The following LRRK1 variants were observed in gnomAD, a reference collection of about 807,000 sequenced individuals.
LRRK1 encodes leucine rich repeat kinase 1, also known as leucine-rich repeat serine/threonine-protein kinase 1.
In LRRK1, 113 loss-of-function variants were observed where a neutral mutation model predicts 209.1. The observed-to-expected ratio is 0.54, with a 90% CI of 0.46 to 0.63. The LOEUF (loss-of-function observed/expected upper bound fraction) is 0.63. Ranked by LOEUF, LRRK1 falls within the 30% of genes least tolerant of loss-of-function variation. The pLI is 0.00. For missense variants in LRRK1, 2,284 were observed against 2,632.2 expected (o/e 0.87, Z 2.89); for synonymous variants, 1,144 against 1,099.7 (o/e 1.04, Z -0.80).
Position 101,074,705 on chromosome 15 carries a change from CTG to C in LRRK1, c.*5860_*5861del, listed in dbSNP as rs2036920178. On this transcript the variant is annotated 3_prime_UTR_variant, in exon 34 of 34. Coordinates refer to ENST00000388948, the MANE Select transcript of LRRK1 (RefSeq NM_024652.6). Reference sequence around the variant, plus strand: ...AAAAAGTTGCAATTCCTTGCCTCCACTGTGAGACAAACCCCAGCCACATCTCC... The same window carrying C: ...AAAAAGTTGCAATTCCTTGCCTCCACTGAGACAAACCCCAGCCACATCTCC... 2 of 152,166 alleles carry C rather than the reference CTG, an allele frequency of 1.3e-5. 1 individual carries two copies. Among genetic ancestry groups the C allele is most frequent in the South Asian group, 4.1e-4 (2 of 4,836 alleles). 9.4% of individuals were successfully genotyped at this position (152,166 alleles called of 1,614,324 possible). A position where few individuals can be genotyped will look rare whatever the true frequency, so the allele number is the denominator to read the frequency against.
chr15:101,053,453 A>G (rs2035602059), intron 26 of LRRK1, 33 bp downstream of exon 26: 2 of 1,529,080 alleles, frequency 1.3e-6, no homozygotes, highest in Admixed American at 1.9e-5. Context: ...CCGGCCCCGG[A>G]GACCGACAGA....
chr15:101,021,321 G>A, intron 13 of LRRK1, 139 bp downstream of exon 13: 1 of 897,218 alleles, frequency 1.1e-6, no homozygotes, highest in South Asian at 1.7e-5. Flanking sequence ...GAGATTTTCG[G>A]AACAGGGCTT....
intron 1 of LRRK1, among the ~76,000 whole-genome samples, chr15:100,923,983 A>G (rs151162568): frequency 1.3e-5 from 2 of 152,358 alleles, no homozygotes; most frequent in African/African-American, 4.8e-5. Context: ...TTGACTTCAT[A>G]ACCAGTAATA....
chr15:100,952,075 A>G (rs1167344109), intron 2 of LRRK1, among the ~76,000 whole-genome samples: 1 of 152,160 alleles, frequency 6.6e-6, no homozygotes, highest in African/African-American at 2.4e-5. Context: ...ACTAAGTCAC[A>G]AAAACCATAT....
intron 2 of LRRK1, among the ~76,000 whole-genome samples, chr15:100,926,672 CTTTTTTTCTTT>C (rs1326751790): frequency 1.6e-5 from 2 of 128,662 alleles, no homozygotes; most frequent in African/African-American, 6.0e-5. Context: ...TTTTTCTTTT[CTTTTTTTCTTT>C]TTTTTTTTTT....
At chr15:100,948,246 C>T (rs1004529087) in intron 2 of LRRK1, among the ~76,000 whole-genome samples, 7 of 152,236 alleles carry the variant, frequency 4.6e-5, no homozygotes, top group Non-Finnish European at 8.8e-5. Context: ...CTCAGCCCCT[C>T]GGCACCCCTT....
chr15:101,015,908 C>T (rs566589423), intron 12 of LRRK1, among the ~76,000 whole-genome samples: 35 of 151,980 alleles, frequency 2.3e-4, no homozygotes, highest in African/African-American at 7.7e-4. Context: ...CAGGGGCTTG[C>T]GAGGGCCTTC....
At chr15:101,051,593 C>T in intron 23 of LRRK1, 118 bp from the exon 24 acceptor site, 3 of 1,335,254 alleles carry the variant, frequency 2.2e-6, no homozygotes, top group Non-Finnish European at 3.1e-6. Context: ...TGGGTACAGG[C>T]CAGGACAGGC....
rs947407317 is a variant in LRRK1 at position 101,076,199 on chromosome 15, G to A, written c.*7351G>A. 6.6e-6 allele frequency: 1 copy of A among 152,126 alleles called. No homozygotes were observed. The allele number at this position is 152,126 out of a possible 1,614,324, so 9.4% of individuals were successfully genotyped here. ...CTCATGTCTCTGTGCAGCGGCTGCT[G>A]CCACCCTAATACTTTTAGAGGCCCT... On this transcript the variant is annotated 3_prime_UTR_variant, in exon 34 of 34. Coordinates refer to ENST00000388948, the MANE Select transcript of LRRK1 (RefSeq NM_024652.6).
rs772806488 is a variant in LRRK1 at position 101,056,972 on chromosome 15, T to A, written c.4449T>A (p.Val1483=). The change falls in exon 28 of 34, where the codon GTT becomes GTA. Residue 1483 remains valine, a synonymous_variant. Transcript: ENST00000388948. ...AKKLSKGIRP[V]LGQPEEVQFR... ...AGCTGTCCAAGGGCATCCGCCCGGT[T>A]CTGGGGCAGCCGGAGGAAGTGCAGT... is the stretch of plus-strand genomic sequence containing the variant. 5.0e-6 allele frequency: 8 copies of A among 1,614,154 alleles called. No individual in the cohort carries two copies. The Admixed American group carries it at 1.3e-4, about 27-fold the overall frequency.
chr15:101,035,097 C>A (rs757019303), intron 20 of LRRK1, among the ~76,000 whole-genome samples: 1 of 151,856 alleles, frequency 6.6e-6, no homozygotes, highest in Non-Finnish European at 1.5e-5. Context: ...CATTTTATTT[C>A]TGCTCTGACC....
intron 1 of LRRK1, among the ~76,000 whole-genome samples, chr15:100,924,205 A>G (rs543778022): frequency 1.1e-4 from 16 of 152,316 alleles, no homozygotes; most frequent in African/African-American, 3.6e-4. Flanking sequence ...GAGCCTGGCT[A>G]CCTTGCATGT....
intron 2 of LRRK1, among the ~76,000 whole-genome samples, chr15:100,962,259 G>C: frequency 6.6e-6 from 1 of 152,114 alleles, no homozygotes; most frequent in Non-Finnish European, 1.5e-5. Context: ...GCTGGGCATG[G>C]TGGCTTATGT....
At chr15:100,941,470 G>GTGTCTGTGTGTGTGTCTGTGTGTGTCTA (rs1368754983) in intron 2 of LRRK1, among the ~76,000 whole-genome samples, 1 of 64,030 alleles carries the variant, frequency 1.6e-5, no homozygotes, top group African/African-American at 4.3e-5. Context: ...GTCTCTGTGT[G>GTGTCTGTGTGTGTGTCTGTGTGTGTCTA]TGTGTGTGTG....
chr15:101,014,530 G>GTTA (rs2033437365), intron 11 of LRRK1, 102 bp downstream of exon 11: 6 of 774,408 alleles, frequency 7.7e-6, no homozygotes, highest in Admixed American at 2.5e-5. Flanking sequence ...GAGGGCTGCT[G>GTTA]AGCCGCCAGC....
intron 20 of LRRK1, among the ~76,000 whole-genome samples, chr15:101,045,514 G>C (rs2035022901): frequency 6.6e-6 from 1 of 152,200 alleles, no homozygotes. Flanking sequence ...AACGGGCCAA[G>C]AATAATAAAT....
chr15:101,054,772 A>T (rs1318247084), intron 26 of LRRK1, among the ~76,000 whole-genome samples, 174 bp from the exon 27 acceptor site: 2 of 152,212 alleles, frequency 1.3e-5, no homozygotes, highest in African/African-American at 2.4e-5. Context: ...AGACCATGCC[A>T]CTGCACTCCA....
At chr15:100,975,688 G>C (rs2031252840) in intron 3 of LRRK1, among the ~76,000 whole-genome samples, 1 of 152,226 alleles carries the variant, frequency 6.6e-6, no homozygotes, top group South Asian at 2.1e-4. Context: ...AACGGTTGAT[G>C]CAAAAGGAGA....
Position 101,022,252 on chromosome 15 carries a change from G to A in LRRK1, c.1853-131G>A, listed in dbSNP as rs574588324. 5 of 901,498 alleles carry A rather than the reference G, an allele frequency of 5.5e-6. No homozygotes were observed. Among genetic ancestry groups the A allele is most frequent in the Admixed American group, 2.2e-5 (1 of 45,704 alleles). The allele number at this position is 901,498 out of a possible 1,614,324, so 55.8% of individuals were successfully genotyped here. On this transcript the variant is annotated intron_variant, in intron 14 of 33. Coordinates refer to ENST00000388948, the MANE Select transcript of LRRK1 (RefSeq NM_024652.6). The surrounding 1 kb of genome is among the most constrained non-coding windows in gnomAD (Gnocchi z 4.0). ...TTAGTGTCATGCCTTCCCTCCCCCTGATCCAGTAGTCTTCCTTAACTGTCC... is the reference window on the plus strand; with the variant it reads ...TTAGTGTCATGCCTTCCCTCCCCCTAATCCAGTAGTCTTCCTTAACTGTCC...
Sources: allele counts gnomAD v4.1 joint callset (sites outside exome capture counted in the v4.1 genomes callset), GRCh38; gene constraint gnomAD v4.1.1; non-coding constraint Gnocchi (gnomAD v3.1); transcripts MANE v1.5; gene names NCBI Gene and HGNC (gene_info 2026-07-23, HGNC 2026-07-21).